EPB41L3: variants seen among roughly 807,000 people sequenced by gnomAD.
EPB41L3 encodes band 4.1-like protein 3.
EPB41L3 carries 57 observed loss-of-function variants against 127.1 expected under a neutral mutation model. The observed-to-expected ratio is 0.45, with a 90% CI of 0.36 to 0.56. EPB41L3 has a LOEUF of 0.56. Ranked by LOEUF, EPB41L3 falls within the 20% of genes least tolerant of loss-of-function variation. The pLI is 0.00. For missense variants in EPB41L3, 1,273 were observed against 1,372.2 expected (o/e 0.93, Z 1.14); for synonymous variants, 572 against 549.5 (o/e 1.04, Z -0.57).
intron 3 of EPB41L3, among the ~76,000 whole-genome samples, chr18:5,609,932 T>C (rs1431186903): frequency 1.3e-5 from 2 of 152,028 alleles, no homozygotes; most frequent in Non-Finnish European, 2.9e-5. Context: ...TTCATCTTCG[T>C]TTCATTTGAG....
intron 3 of EPB41L3, among the ~76,000 whole-genome samples, chr18:5,585,028 A>G (rs1181569642): frequency 6.6e-6 from 1 of 152,190 alleles, no homozygotes; most frequent in Non-Finnish European, 1.5e-5. Context: ...GATCTTTTTA[A>G]TCCCTTCAGG....
In EPB41L3 at chr18:5,574,535, T is replaced by G. The variant is rs931849409; in HGVS notation, c.-306+37805A>C. Reference sequence around the variant, plus strand: ...TCCCTCTGTCATCTCAGAGTCCGTATATCCAGAACTTAGAATGTTTCCCCT... The same window carrying G: ...TCCCTCTGTCATCTCAGAGTCCGTAGATCCAGAACTTAGAATGTTTCCCCT... On this transcript the variant is annotated intron_variant, in intron 3 of 21. Transcript: ENST00000545076. 8.5e-5 allele frequency among the ~76,000 whole-genome samples: 13 copies of G among 152,222 alleles called. No homozygotes were observed. The East Asian group carries it at 2.5e-3, about 29-fold the overall frequency.
intron 1 of EPB41L3, among the ~76,000 whole-genome samples, chr18:5,619,782 T>C (rs148610423): frequency 5.9e-5 from 9 of 152,328 alleles, no homozygotes; most frequent in African/African-American, 2.2e-4. Flanking sequence ...CTTGTTATGC[T>C]TTGAAAAGAT....
At chr18:5,628,774 T>A (rs1281201155) in intron 1 of EPB41L3, 1 of 151,626 alleles carries the variant, frequency 6.6e-6, no homozygotes, top group Non-Finnish European at 1.5e-5. Flanking sequence ...GCCAGGGCGG[T>A]CACCGAGCCC....
upstream of EPB41L3, among the ~76,000 whole-genome samples, chr18:5,544,754 T>C (rs1205190984): frequency 6.6e-6 from 1 of 152,186 alleles, no homozygotes; most frequent in Non-Finnish European, 1.5e-5. Context: ...AGGGTGACTA[T>C]AGTCAAAATA....
chr18:5,494,306 G>A (rs773470289), intron 1 of EPB41L3, among the ~76,000 whole-genome samples: 3 of 152,050 alleles, frequency 2.0e-5, no homozygotes, highest in African/African-American at 4.8e-5. Context: ...CCCTCCCTAT[G>A]CCTAACTCCA....
At chr18:5,608,884 C>T (rs2143983913) in intron 3 of EPB41L3, among the ~76,000 whole-genome samples, 2 of 152,274 alleles carry the variant, frequency 1.3e-5, no homozygotes, top group Admixed American at 1.3e-4. Context: ...GAATCAACAG[C>T]TCACGGCTCA....
chr18:5,406,766 T>G lies in EPB41L3; in HGVS notation c.2349+11A>C. On this transcript the variant is annotated intron_variant, in intron 16 of 22. Coordinates refer to ENST00000341928, the MANE Select transcript of EPB41L3 (RefSeq NM_012307.5). ...CAGAATACGAGTCTGACCACAAACC[T>G]GACTACTGACCTCTTCAGGGACAAG... 6.2e-7 allele frequency: 1 copy of G among 1,609,280 alleles called. No homozygotes were observed. The highest frequency in any genetic ancestry group is 8.5e-7 in the Non-Finnish European group (1 of 1,176,690).
At chr18:5,417,351 C>T (rs1411038543) in intron 12 of EPB41L3, among the ~76,000 whole-genome samples, 1 of 152,166 alleles carries the variant, frequency 6.6e-6, no homozygotes. Context: ...TTCTCCTCCT[C>T]TCTGGGTCCT....
chr18:5,444,581 C>T (rs757262725), intron 4 of EPB41L3, among the ~76,000 whole-genome samples: 68 of 152,266 alleles, frequency 4.5e-4, no homozygotes, highest in Non-Finnish European at 7.8e-4. Context: ...AGAGGTATTG[C>T]ATTAAACATA....
chr18:5,472,196 C>A (rs1020440202), intron 3 of EPB41L3, among the ~76,000 whole-genome samples: 1 of 152,000 alleles, frequency 6.6e-6, no homozygotes, highest in Non-Finnish European at 1.5e-5. Context: ...TTTAATGAAA[C>A]CTTATTGAGA....
intron 1 of EPB41L3, among the ~76,000 whole-genome samples, chr18:5,518,950 A>G (rs2092870477): frequency 6.6e-6 from 1 of 152,238 alleles, no homozygotes; most frequent in East Asian, 1.9e-4. Flanking sequence ...GGAGCTCACT[A>G]AAAAGTGTCT....
chr18:5,427,157 C>A (rs1311949161), intron 9 of EPB41L3, among the ~76,000 whole-genome samples: 1 of 152,068 alleles, frequency 6.6e-6, no homozygotes, highest in African/African-American at 2.4e-5. Flanking sequence ...GCATGAGACA[C>A]CATGCCCAGC....
chr18:5,625,702 T>G (rs1033317087), intron 1 of EPB41L3, among the ~76,000 whole-genome samples: 3 of 152,174 alleles, frequency 2.0e-5, no homozygotes, highest in African/African-American at 7.2e-5. Context: ...CCAGAGCAGC[T>G]CACCTAAAAG....
chr18:5,412,219 A>T (rs2144472206), intron 13 of EPB41L3, among the ~76,000 whole-genome samples: 1 of 152,140 alleles, frequency 6.6e-6, no homozygotes, highest in South Asian at 2.1e-4. Flanking sequence ...ATTTTTTTAG[A>T]CAGGGTCTCG....
chr18:5,580,310 C>G (rs940012491), intron 3 of EPB41L3, among the ~76,000 whole-genome samples: 1 of 151,916 alleles, frequency 6.6e-6, no homozygotes, highest in African/African-American at 2.4e-5. Context: ...CACACCCATA[C>G]AAATATGTAT....
chr18:5,448,445 A>G (rs2081840404), intron 3 of EPB41L3, among the ~76,000 whole-genome samples: 1 of 152,174 alleles, frequency 6.6e-6, no homozygotes, highest in African/African-American at 2.4e-5. Context: ...GCCTGCAGGT[A>G]ATCATGTTTA....
At chr18:5,439,320 C>A (rs1324145580) in intron 5 of EPB41L3, among the ~76,000 whole-genome samples, 7 of 152,166 alleles carry the variant, frequency 4.6e-5, no homozygotes, top group African/African-American at 7.2e-5. Context: ...ATCTCCCTGT[C>A]TCTCCATTAA....
Position 5,397,303 on chromosome 18 carries a change from C to G in EPB41L3, c.2596G>C (p.Ala866Pro). 1 of 1,614,096 alleles carries G rather than the reference C, an allele frequency of 6.2e-7. No individual in the cohort carries two copies. The highest frequency in any genetic ancestry group is 8.5e-7 in the Non-Finnish European group (1 of 1,180,042). The change falls in exon 18 of 23, where the codon GCG becomes CCG. Residue 866 changes from alanine to proline, a missense_variant. Around this residue, in one of 3 missense-constraint regions of EPB41L3, gnomAD observed 765 missense variants for 782.9 expected, o/e 0.98. Transcript: ENST00000341928. This position sits in a 1 kb window ranked among gnomAD's most constrained non-coding sequence, Gnocchi z 4.1. ...GCCGAGTAAGAAGCATCCCCACTCG[C>G]GTGCACCACACGCCGCTCCTCCACC... ...VLVEERRVVH[A>P]SGDASYSAGD...
Sources: gnomAD v4.1 joint callset for allele counts (sites outside exome capture counted in the v4.1 genomes callset) on GRCh38, gnomAD v4.1.1 for gene constraint, gnomAD v4.1.1 regional missense constraint, Gnocchi (gnomAD v3.1) non-coding constraint, MANE v1.5 for transcripts, NCBI Gene and HGNC (gene_info 2026-07-23, HGNC 2026-07-21) for gene names.